The following APP variants were observed in gnomAD, a reference collection of about 807,000 sequenced individuals.
APP encodes amyloid beta precursor protein.
In APP, 31 loss-of-function variants were observed where a neutral mutation model predicts 101.4. The ratio of observed to expected loss-of-function variants is 0.31; its 90% CI spans 0.23 to 0.41. APP has a LOEUF of 0.41. Ranked by LOEUF, APP falls within the 10% of genes least tolerant of loss-of-function variation. The pLI is 1.00. For missense variants in APP, 839 were observed against 1,003.7 expected (o/e 0.84, Z 2.22); for synonymous variants, 366 against 364.4 (o/e 1.00, Z -0.05).
intron 1 of APP, among the ~76,000 whole-genome samples, chr21:26,120,486 G>C (rs937943612): frequency 6.6e-6 from 1 of 152,098 alleles, no homozygotes; most frequent in Non-Finnish European, 1.5e-5. Context: ...ATTATGTAAG[G>C]TAGGATCAGT....
intron 11 of APP, among the ~76,000 whole-genome samples, chr21:25,967,196 T>G (rs1481231193): frequency 6.6e-6 from 1 of 152,146 alleles, no homozygotes; most frequent in African/African-American, 2.4e-5. Flanking sequence ...CTATAGAAAC[T>G]GCCAACATTT....
At chr21:26,083,921 C>T (rs1393215225) in intron 3 of APP, among the ~76,000 whole-genome samples, 2 of 152,012 alleles carry the variant, frequency 1.3e-5, no homozygotes, top group African/African-American at 4.8e-5. Flanking sequence ...ATCACCCATG[C>T]TATTAGAGCT....
chr21:26,013,119 C>T (rs1176601135), intron 6 of APP, among the ~76,000 whole-genome samples: 4 of 152,148 alleles, frequency 2.6e-5, no homozygotes, highest in South Asian at 4.1e-4. Flanking sequence ...GAGTTCAAGA[C>T]CAGCCTGGCC....
chr21:25,980,337 G>A (rs1216823053), intron 9 of APP, among the ~76,000 whole-genome samples: 3 of 152,210 alleles, frequency 2.0e-5, no homozygotes, highest in African/African-American at 7.2e-5. Context: ...GCCTCTGAAA[G>A]CTTCATAAAG....
intron 6 of APP, among the ~76,000 whole-genome samples, chr21:26,015,527 G>A (rs1384415022): frequency 1.3e-5 from 2 of 152,124 alleles, no homozygotes; most frequent in African/African-American, 4.8e-5. Flanking sequence ...AACACTTACT[G>A]GGCATGATGG....
chr21:26,026,816 G>A (rs539540884), intron 5 of APP, among the ~76,000 whole-genome samples: 7 of 152,146 alleles, frequency 4.6e-5, no homozygotes, highest in Non-Finnish European at 1.0e-4. Context: ...AATAAACAAT[G>A]CTGAGAGAAT....
At chr21:25,905,143 CCAAACATAGT>C (rs1337601486) in intron 14 of APP, 66 bp from the exon 15 acceptor site, 12 of 1,376,530 alleles carry the variant, frequency 8.7e-6, no homozygotes, top group Non-Finnish European at 1.2e-5. Context: ...GTCGTGGCTC[CCAAACATAGT>C]CGAGCAGGGA....
intron 13 of APP, among the ~76,000 whole-genome samples, chr21:25,918,648 C>G (rs566146539): frequency 0.041 from 6,278 of 151,876 alleles, 421 homozygotes; most frequent in African/African-American, 0.14. Context: ...GGGTCACTCC[C>G]ACCCGAATAT....
intron 1 of APP, among the ~76,000 whole-genome samples, chr21:26,120,039 C>G (rs1198239235): frequency 6.6e-6 from 1 of 152,138 alleles, no homozygotes; most frequent in Admixed American, 6.5e-5. Context: ...TTCTAAATTT[C>G]TACTGTTTTA....
intron 5 of APP, among the ~76,000 whole-genome samples, chr21:26,031,194 T>C (rs777067179): frequency 2.0e-5 from 3 of 152,208 alleles, no homozygotes; most frequent in Non-Finnish European, 2.9e-5. Flanking sequence ...CCTTCCACTG[T>C]GTCCATACAC....
chr21:26,042,089 T>C (rs371140900), intron 5 of APP, among the ~76,000 whole-genome samples: 1 of 152,194 alleles, frequency 6.6e-6, no homozygotes, highest in East Asian at 1.9e-4. Context: ...TTAATTTATC[T>C]TTTGTATGAT....
At chr21:26,078,711 G>A (rs1289917813) in intron 3 of APP, among the ~76,000 whole-genome samples, 2 of 152,142 alleles carry the variant, frequency 1.3e-5, no homozygotes, top group East Asian at 3.8e-4. Flanking sequence ...TTCTACTACA[G>A]CTGTCTGGAA....
At chr21:26,037,389 A>C (rs964474171) in intron 5 of APP, among the ~76,000 whole-genome samples, 6 of 152,238 alleles carry the variant, frequency 3.9e-5, no homozygotes, top group Admixed American at 6.5e-5. Flanking sequence ...CCCAACACAA[A>C]GAAATGATAC....
intron 2 of APP, among the ~76,000 whole-genome samples, chr21:26,101,186 G>A (rs1444198076): frequency 7.0e-6 from 1 of 142,810 alleles, no homozygotes; most frequent in African/African-American, 2.6e-5. Flanking sequence ...TGCAACCTCG[G>A]CCTCCGAGTT....
At chr21:26,098,095 A>G (rs1251466141) in intron 2 of APP, among the ~76,000 whole-genome samples, 1 of 149,222 alleles carries the variant, frequency 6.7e-6, no homozygotes, top group Non-Finnish European at 1.5e-5. Flanking sequence ...AAAAAAAAAA[A>G]AAAAAAAAAG....
At chr21:26,040,339 T>C (rs760198309) in intron 5 of APP, among the ~76,000 whole-genome samples, 18 of 152,142 alleles carry the variant, frequency 1.2e-4, no homozygotes, top group African/African-American at 4.3e-4. Context: ...TGGTAGCTTA[T>C]GCCTGTAATC....
At chr21:25,953,712 T>C (rs1404597157) in intron 13 of APP, among the ~76,000 whole-genome samples, 3 of 152,238 alleles carry the variant, frequency 2.0e-5, no homozygotes, top group East Asian at 1.9e-4. Context: ...TAAACAGTTA[T>C]GGGCATTTTG....
chr21:26,146,418 C>T (rs2063155676), intron 1 of APP, among the ~76,000 whole-genome samples: 1 of 152,226 alleles, frequency 6.6e-6, no homozygotes, highest in Non-Finnish European at 1.5e-5. Context: ...CACTGTTTTA[C>T]TTTGCATTTC....
chr21:25,962,287 A>G (rs2041614095), intron 11 of APP, among the ~76,000 whole-genome samples: 1 of 152,226 alleles, frequency 6.6e-6, no homozygotes, highest in South Asian at 2.1e-4. Context: ...TGGCTTAGAC[A>G]TCATTTACAG....
Sources: allele counts gnomAD v4.1 joint callset (sites outside exome capture counted in the v4.1 genomes callset), GRCh38; gene constraint gnomAD v4.1.1; transcripts MANE v1.5; gene names NCBI Gene and HGNC (gene_info 2026-07-23, HGNC 2026-07-21).